Variants in PTK2B observed in about 807,000 individuals in gnomAD.
PTK2B encodes the protein protein tyrosine kinase 2 beta, also known as protein-tyrosine kinase 2-beta.
A neutral mutation model predicts 142.9 loss-of-function variants in PTK2B; 71 were observed. That is an observed-to-expected ratio of 0.50 (90% CI 0.41 to 0.61). PTK2B has a LOEUF of 0.61. Ranked by LOEUF, PTK2B falls within the 20% of genes least tolerant of loss-of-function variation. The probability of loss-of-function intolerance (pLI) is 0.00; values close to 1 mark genes in which losing one functional copy is unlikely to be tolerated. For synonymous variants in PTK2B, 519 were observed against 503.4 expected, an observed-to-expected ratio of 1.03 and a Z score of -0.42; for missense variants, 1,105 against 1,320.4, an observed-to-expected ratio of 0.84 and a Z score of 2.53.
At chr8:27,434,696 T>C (rs1810665573) in intron 13 of PTK2B, 137 bp downstream of exon 13, 5 of 1,036,446 alleles carry the variant, frequency 4.8e-6, no homozygotes, top group Admixed American at 4.7e-5. Context: ...TTCTCAGTGA[T>C]GGCTTTAAAA....
intron 1 of PTK2B, among the ~76,000 whole-genome samples, chr8:27,329,413 A>G (rs1276615859): frequency 1.3e-5 from 2 of 152,092 alleles, no homozygotes; most frequent in Admixed American, 6.5e-5. Context: ...TGTACCCCAA[A>G]TACTGCTAGG....
chr8:27,430,724 A>G, intron 7 of PTK2B, 152 bp from the exon 8 acceptor site: 1 of 1,144,518 alleles, frequency 8.7e-7, no homozygotes, highest in South Asian at 1.5e-5. Flanking sequence ...GACAATGGGT[A>G]TGGGTTTTAG....
chr8:27,420,887 C>T (rs1809704925), intron 4 of PTK2B, 143 bp downstream of exon 4: 1 of 755,824 alleles, frequency 1.3e-6, no homozygotes, highest in African/African-American at 1.8e-5. Flanking sequence ...GAAGAAGGTC[C>T]TTGGTCTATG....
At chr8:27,419,336 C>G (rs1339153853) in intron 2 of PTK2B, among the ~76,000 whole-genome samples, 1 of 152,240 alleles carries the variant, frequency 6.6e-6, no homozygotes, top group Admixed American at 6.5e-5. Flanking sequence ...CATGAATCAG[C>G]TTGGCCTAGT....
rs374170012 is a variant in PTK2B at position 27,450,741 on chromosome 8, C to T, written c.2341-8C>T. On this transcript the variant is annotated splice_region_variant and splice_polypyrimidine_tract_variant and intron_variant, in intron 24 of 30. Coordinates refer to ENST00000346049, the MANE Select transcript of PTK2B (RefSeq NM_173176.3). ...GCATCCTCTCCCTTCTCTCTGCCGT[C>T]CTCCCAGGAGGAGGACTTCATCCAA... 6.2e-7 allele frequency: 1 copy of T among 1,614,138 alleles called. No individual in the cohort carries two copies. The highest frequency in any genetic ancestry group is 8.5e-7 in the Non-Finnish European group (1 of 1,179,986).
intron 1 of PTK2B, among the ~76,000 whole-genome samples, chr8:27,350,185 A>G (rs1232683179): frequency 6.6e-6 from 1 of 152,256 alleles, no homozygotes; most frequent in Non-Finnish European, 1.5e-5. Flanking sequence ...TGTATTTAGT[A>G]GCAGCCTAAA....
chr8:27,436,658 T>TGAGGCAGGATCTGGAGTTAGTGTC (rs1276102265), intron 15 of PTK2B, among the ~76,000 whole-genome samples: 3 of 151,752 alleles, frequency 2.0e-5, no homozygotes, highest in Non-Finnish European at 4.4e-5. Flanking sequence ...TGAGAAAAGG[T>TGAGGCAGGATCTGGAGTTAGTGTC]GAGGCAGGAT....
At chr8:27,367,764 G>A (rs547630194) in intron 1 of PTK2B, among the ~76,000 whole-genome samples, 273 of 152,308 alleles carry the variant, frequency 1.8e-3, no homozygotes, top group South Asian at 2.9e-3. Flanking sequence ...CAAATGGCAA[G>A]ATAGAAGCAG....
intron 2 of PTK2B, among the ~76,000 whole-genome samples, chr8:27,416,448 C>T (rs1181747334): frequency 6.6e-6 from 1 of 152,034 alleles, no homozygotes; most frequent in Non-Finnish European, 1.5e-5. Context: ...GCTGAACAAC[C>T]GTAGATCTAT....
intron 1 of PTK2B, among the ~76,000 whole-genome samples, chr8:27,386,595 T>C (rs999330655): frequency 6.6e-6 from 1 of 152,240 alleles, no homozygotes; most frequent in Non-Finnish European, 1.5e-5. Flanking sequence ...TCCTGTTTGC[T>C]TGAAGGGGCA....
chr8:27,408,370 A>G (rs11782673), intron 2 of PTK2B, among the ~76,000 whole-genome samples: 20,609 of 152,260 alleles, frequency 0.14, 1,690 homozygotes, highest in Admixed American at 0.2. Context: ...AGAGAGGCCC[A>G]GAAGAATCTA....
At chr8:27,442,028 G>A (rs775489459) in intron 21 of PTK2B, among the ~76,000 whole-genome samples, 1 of 152,148 alleles carries the variant, frequency 6.6e-6, no homozygotes. Context: ...TGCTTCCTCA[G>A]ACCACCACCT....
At chr8:27,317,096 C>A (rs888538639) in intron 3 of PTK2B, among the ~76,000 whole-genome samples, 1 of 152,182 alleles carries the variant, frequency 6.6e-6, no homozygotes, top group African/African-American at 2.4e-5. Flanking sequence ...AGCATCTTAT[C>A]CTGATATGAA....
At chr8:27,420,861 C>A (rs1315520688) in intron 4 of PTK2B, 117 bp downstream of exon 4, 2 of 923,092 alleles carry the variant, frequency 2.2e-6, no homozygotes, top group Non-Finnish European at 3.3e-6. Context: ...AGGGCCCAGG[C>A]TAGGAAGCTT....
intron 1 of PTK2B, among the ~76,000 whole-genome samples, chr8:27,379,691 G>T (rs544072302): frequency 3.9e-5 from 6 of 152,106 alleles, no homozygotes; most frequent in Non-Finnish European, 8.8e-5. Flanking sequence ...TTTAGCACAT[G>T]CAAGTTAATT....
At chr8:27,454,370 G>A in intron 29 of PTK2B, 79 bp downstream of exon 29, 3 of 1,571,120 alleles carry the variant, frequency 1.9e-6, no homozygotes, top group East Asian at 2.3e-5. Context: ...CTTCCTGTTG[G>A]CTGGCCCAGC....
intron 1 of PTK2B, among the ~76,000 whole-genome samples, chr8:27,332,530 T>G (rs890226982): frequency 6.6e-6 from 1 of 152,168 alleles, no homozygotes; most frequent in African/African-American, 2.4e-5. Flanking sequence ...GTTGAATGTT[T>G]CTCCCCATCA....
At chr8:27,317,585 T>G (rs1178431812) in intron 3 of PTK2B, among the ~76,000 whole-genome samples, 2 of 152,266 alleles carry the variant, frequency 1.3e-5, no homozygotes, top group Non-Finnish European at 2.9e-5. Context: ...TAACTTCCTT[T>G]GCAGATAGTT....
chr8:27,322,526 G>A (rs1264531963), upstream of PTK2B: 2 of 152,142 alleles, frequency 1.3e-5, no homozygotes, highest in South Asian at 2.1e-4. Context: ...TCCCCATAAA[G>A]CTTACTTTAA....
Sources: allele counts gnomAD v4.1 joint callset (sites outside exome capture counted in the v4.1 genomes callset), GRCh38; gene constraint gnomAD v4.1.1; transcripts MANE v1.5; gene names NCBI Gene and HGNC (gene_info 2026-07-23, HGNC 2026-07-21).